The following HOXA3 variants were observed in gnomAD, a reference collection of about 807,000 sequenced individuals.
HOXA3 encodes the protein homeobox A3, also known as homeobox protein Hox-A3.
Under a neutral mutation model 30.3 loss-of-function variants are expected in HOXA3, and 8 were observed. The ratio of observed to expected loss-of-function variants is 0.26; its 90% CI spans 0.15 to 0.48. The LOEUF (loss-of-function observed/expected upper bound fraction) is 0.48. Ranked by LOEUF, HOXA3 falls within the 20% of genes least tolerant of loss-of-function variation. The pLI is 0.99. For missense variants in HOXA3, 653 were observed against 614.4 expected, an observed-to-expected ratio of 1.06 and a Z score of -0.66; for synonymous variants, 323 against 273.1, an observed-to-expected ratio of 1.18 and a Z score of -1.80.
At chr7:27,139,414 G>A (rs984720177) in intron 2 of HOXA3, among the ~76,000 whole-genome samples, 2 of 152,172 alleles carry the variant, frequency 1.3e-5, no homozygotes, top group Admixed American at 6.5e-5. Context: ...TGCAACCCGG[G>A]GGCCCAGCCT....
intron 3 of HOXA3, among the ~76,000 whole-genome samples, chr7:27,125,212 C>T (rs1286571687): frequency 1.3e-5 from 2 of 152,226 alleles, no homozygotes; most frequent in Admixed American, 1.3e-4. Context: ...ATTCCACCCT[C>T]GTACTCATTA....
At chr7:27,114,860 T>TATA (rs1273683301) in intron 4 of HOXA3, among the ~76,000 whole-genome samples, 1 of 110,018 alleles carries the variant, frequency 9.1e-6, no homozygotes, top group Non-Finnish European at 1.9e-5. Context: ...ATATTATATA[T>TATA]ATAATATATA....
intron 2 of HOXA3, chr7:27,130,188 C>T (rs1252194245): frequency 6.3e-6 from 10 of 1,585,184 alleles, no homozygotes; most frequent in South Asian, 1.1e-5. Flanking sequence ...CCAGCGGGCT[C>T]TTGTCGGCCA....
chr7:27,111,453 G>A (rs559168185), intron 4 of HOXA3, among the ~76,000 whole-genome samples: 22 of 150,864 alleles, frequency 1.5e-4, no homozygotes, highest in Non-Finnish European at 2.8e-4. Flanking sequence ...CCAAGCCAAG[G>A]GGGGAGGGAA....
Position 27,108,407 on chromosome 7 carries a change from C to T in HOXA3, c.840G>A (p.Met280Ile). 1 of 1,610,476 alleles carries T rather than the reference C, an allele frequency of 6.2e-7. No homozygotes were observed. Among genetic ancestry groups the T allele is most frequent in the South Asian group, 1.1e-5 (1 of 90,910 alleles). ...PPGAGGYLNS[M>I]HSLVNSVPYE... ...ACGGGACGCTGTTGACCAGCGAATG[C>T]ATAGAGTTCAGATAGCCACCGGCTC... The change falls in exon 6 of 6, where the codon ATG (methionine) becomes ATA (isoleucine). Residue 280 changes from methionine (M) to isoleucine (I), a missense_variant. By Grantham distance (10) the Met-to-Ile change is conservative. Coordinates refer to ENST00000612286, the MANE Select transcript of HOXA3 (RefSeq NM_153631.3). The surrounding 1 kb of genome is among the most constrained non-coding windows in gnomAD (Gnocchi z 5.0).
chr7:27,146,103 C>G lies in HOXA3; in HGVS notation c.-493-5917G>C, dbSNP rs138728884. On this transcript the variant is annotated intron_variant, in intron 1 of 5. Transcript: ENST00000612286. ...TATTTCATACCAAGCGAGATGTTTTCCACCTATAACGACTTGGGGTGGACA... is the reference window on the plus strand; with the variant it reads ...TATTTCATACCAAGCGAGATGTTTTGCACCTATAACGACTTGGGGTGGACA... Among the ~76,000 whole-genome samples the G allele has an allele frequency of 1.8e-4, 28 of 152,320 alleles. 1 individual carries two copies. In the East Asian group the frequency reaches 5.4e-3, roughly 29 times the overall value.
rs1784067111 is a variant in HOXA3, at chr7:27,107,403, G to C, written c.*512C>G. The C allele has an allele frequency of 6.6e-6, 1 of 152,010 alleles. No homozygotes were observed. Among genetic ancestry groups the C allele is most frequent in the African/African-American group, 2.4e-5 (1 of 41,348 alleles). 9.4% of individuals were successfully genotyped at this position (152,010 alleles called of 1,614,324 possible). ...TATAAATAAATCTGACTGTTCACCA[G>C]CATACACACACGGAAAGACGTACAC... On this transcript the variant is annotated 3_prime_UTR_variant, in exon 6 of 6. Coordinates refer to ENST00000612286, the MANE Select transcript of HOXA3 (RefSeq NM_153631.3).
intron 2 of HOXA3, among the ~76,000 whole-genome samples, chr7:27,133,622 T>C (rs1350102652): frequency 6.6e-6 from 1 of 152,224 alleles, no homozygotes; most frequent in African/African-American, 2.4e-5. Context: ...CTTTTCATCA[T>C]GTCCTCGAAT....
rs139610998 is a variant in HOXA3 at position 27,152,215 on chromosome 7, C to G, written c.-494+73G>C. 3.1e-6 allele frequency: 3 copies of G among 971,212 alleles called. No individual in the cohort carries two copies. In the Admixed American group the frequency reaches 9.2e-5, roughly 30 times the overall value. 60.2% of individuals were successfully genotyped at this position (971,212 alleles called of 1,614,324 possible). On this transcript the variant is annotated intron_variant, in intron 1 of 5. Transcript: ENST00000612286. Reference sequence around the variant, plus strand: ...GCCCCTCTTAAAGCCTCCCTGGGTGCCCTCTCCCACCGCTACCGCCGCCGG... The same window carrying G: ...GCCCCTCTTAAAGCCTCCCTGGGTGGCCTCTCCCACCGCTACCGCCGCCGG...
rs753788812 is a variant in HOXA3, at chr7:27,107,896, C to G, written c.*19G>C. On this transcript the variant is annotated 3_prime_UTR_variant, in exon 6 of 6. Transcript: ENST00000612286. ...TGGGTGGGGGGAGACTCTCCTGGCG[C>G]GTAGCCCCAAGCCCACTATCACAGG... 2.0e-6 allele frequency: 3 copies of G among 1,496,514 alleles called. No individual in the cohort carries two copies. The African/African-American group carries it at 4.2e-5, about 21-fold the overall frequency. 92.7% of individuals were successfully genotyped at this position (1,496,514 alleles called of 1,614,324 possible).
At chr7:27,123,612 C>G (rs1785144865) in intron 3 of HOXA3, 1 of 152,416 alleles carries the variant, frequency 6.6e-6, no homozygotes, top group Non-Finnish European at 1.5e-5. Context: ...CTATCCCTGC[C>G]CCGACTACCC....
intron 2 of HOXA3, chr7:27,134,088 G>C (rs1445298165): frequency 6.6e-6 from 1 of 152,242 alleles, no homozygotes; most frequent in Non-Finnish European, 1.5e-5. Context: ...TAGAGCGAGA[G>C]TCCCCCAGAC....
intron 2 of HOXA3, chr7:27,130,861 G>A: frequency 4.5e-6 from 4 of 885,550 alleles, no homozygotes; most frequent in Non-Finnish European, 6.8e-6. Flanking sequence ...TCCCCCCGCT[G>A]TCAAGTGCCC....
At chr7:27,147,528 G>A in intron 1 of HOXA3, 2 of 1,614,208 alleles carry the variant, frequency 1.2e-6, no homozygotes, top group Non-Finnish European at 8.5e-7. Flanking sequence ...ACGAGGCCCC[G>A]TACTCGTAGG....
At chr7:27,117,016 T>C (rs541598104) in intron 4 of HOXA3, among the ~76,000 whole-genome samples, 1 of 152,198 alleles carries the variant, frequency 6.6e-6, no homozygotes, top group African/African-American at 2.4e-5. Context: ...GACCTCTGAC[T>C]CCTTATAAGC....
At position 27,110,173 on chromosome 7, in the gene HOXA3, G is replaced by A. The variant is rs766297066; in HGVS notation, c.468C>T (p.Phe156=). Residue 156 remains phenylalanine, a synonymous_variant, in exon 5 of 6, where the codon TTC becomes TTT. Coordinates refer to ENST00000612286, the MANE Select transcript of HOXA3 (RefSeq NM_153631.3). ...LNSPTVAKQI[F]PWMKESRQNT... ...TTTGTCGAGACTCTTTCATCCAGGGGAAGATTTGTTTGGCCACTGTGGGTG... is the reference window on the plus strand; with the variant it reads ...TTTGTCGAGACTCTTTCATCCAGGGAAAGATTTGTTTGGCCACTGTGGGTG... The A allele has an allele frequency of 9.3e-6, 15 of 1,614,082 alleles. No homozygotes were observed. The African/African-American group carries it at 1.7e-4, about 19-fold the overall frequency.
chr7:27,150,327 G>A (rs1179868057), intron 1 of HOXA3: 1 of 152,316 alleles, frequency 6.6e-6, no homozygotes, highest in Non-Finnish European at 1.5e-5. Context: ...TCTCTCCAAG[G>A]GGGGCAGGAC....
chr7:27,137,233 G>A (rs187801655), intron 2 of HOXA3, among the ~76,000 whole-genome samples: 32 of 152,276 alleles, frequency 2.1e-4, no homozygotes, highest in East Asian at 9.6e-4. Flanking sequence ...TCTCAGAGCC[G>A]CCAACAATGA....
At chr7:27,114,336 G>A (rs1387098028) in intron 4 of HOXA3, among the ~76,000 whole-genome samples, 1 of 152,114 alleles carries the variant, frequency 6.6e-6, no homozygotes, top group Admixed American at 6.5e-5. Flanking sequence ...GTATTCCTCT[G>A]CCCTGGACAC....
Sources: gnomAD v4.1 joint callset for allele counts (sites outside exome capture counted in the v4.1 genomes callset) on GRCh38, gnomAD v4.1.1 for gene constraint, Gnocchi (gnomAD v3.1) non-coding constraint, MANE v1.5 for transcripts, NCBI Gene and HGNC (gene_info 2026-07-23, HGNC 2026-07-21) for gene names.